TG: variants seen among roughly 807,000 people sequenced by gnomAD.
The protein encoded by TG is thyroid hormones.
TG carries 270 observed loss-of-function variants against 324.7 expected under a neutral mutation model. That is an observed-to-expected ratio of 0.83 (90% CI 0.75 to 0.92). The LOEUF (loss-of-function observed/expected upper bound fraction) is 0.92, where lower values mean the gene tolerates loss of function less well. Ranked by LOEUF, TG falls within the 40% of genes least tolerant of loss-of-function variation. The pLI, the probability that TG is intolerant of heterozygous loss-of-function variation, is 0.00. For synonymous variants in TG, 1,401 were observed against 1,327.0 expected (o/e 1.06, Z -1.21); for missense variants, 3,591 against 3,456.4 (o/e 1.04, Z -0.98).
chr8:132,900,030 C>T (rs866288768), intron 14 of TG, among the ~76,000 whole-genome samples: 39 of 152,174 alleles, frequency 2.6e-4, no homozygotes, highest in African/African-American at 8.2e-4. Flanking sequence ...GTGGTCCATG[C>T]CTCATGAGGC....
At chr8:132,913,346 C>A in intron 20 of TG, 81 bp downstream of exon 20, 2 of 1,389,418 alleles carry the variant, frequency 1.4e-6, no homozygotes, top group African/African-American at 1.4e-5. Flanking sequence ...TGGAGAGAGG[C>A]TACTCTGGAC....
At chr8:133,111,305 G>C (rs535881051) in intron 43 of TG, among the ~76,000 whole-genome samples, 1 of 152,302 alleles carries the variant, frequency 6.6e-6, no homozygotes, top group South Asian at 2.1e-4. Flanking sequence ...AAGCTAGGCA[G>C]GTTCTCTCAG....
At chr8:133,119,915 A>C (rs960577629) in intron 45 of TG, among the ~76,000 whole-genome samples, 1 of 152,202 alleles carries the variant, frequency 6.6e-6, no homozygotes, top group Non-Finnish European at 1.5e-5. Flanking sequence ...TAAGAAGAAA[A>C]ATAAGTGGCA....
At position 133,018,010 on chromosome 8, in the gene TG, T is replaced by TG; in HGVS notation, c.6782+15dup. 1.5e-5 allele frequency: 24 copies of TG among 1,612,942 alleles called. No individual in the cohort carries two copies. The highest frequency in any genetic ancestry group is 2.0e-5 in the Non-Finnish European group (23 of 1,179,078). ...CCAGCAAGCCAAGGTATGGGTTGAG[T>TG]GGAGCACATCTTGGTAAATGCTCAG... On this transcript the variant is annotated intron_variant, in intron 38 of 47. Coordinates refer to ENST00000220616, the MANE Select transcript of TG (RefSeq NM_003235.5).
chr8:132,882,031 T>TGA, intron 6 of TG, 62 bp downstream of exon 6: 1 of 1,214,064 alleles, frequency 8.2e-7, no homozygotes, highest in Non-Finnish European at 1.2e-6. Context: ...TCTGAAAACC[T>TGA]GGATAACATT....
intron 41 of TG, among the ~76,000 whole-genome samples, chr8:133,092,162 C>T (rs1264690632): frequency 6.6e-6 from 1 of 152,014 alleles, no homozygotes; most frequent in Admixed American, 6.6e-5. Context: ...AGAAGTGGTA[C>T]CAATAAACTC....
chr8:132,897,772 G>A lies in TG; in HGVS notation c.3125G>A (p.Cys1042Tyr), dbSNP rs1563925817. 6.2e-7 allele frequency: 1 copy of A among 1,614,218 alleles called. No homozygotes were observed. Residue 1042 changes from cysteine (C) to tyrosine (Y), a missense_variant, in exon 12 of 48, where the codon TGC becomes TAC. Cys to Tyr is a radical substitution (Grantham distance 194). Coordinates refer to ENST00000220616, the MANE Select transcript of TG (RefSeq NM_003235.5). ...DAFGSWEPVQCHAGTGHCWCV... is the reference protein window; with the variant it reads ...DAFGSWEPVQYHAGTGHCWCV... ...TTTGGAAGTTGGGAGCCTGTGCAGT[G>A]CCACGCTGGGACTGGTAAGGAGGGA... is the stretch of plus-strand genomic sequence containing the variant.
intron 35 of TG, chr8:132,988,980 T>G: frequency 2.4e-6 from 2 of 825,944 alleles, no homozygotes; most frequent in Non-Finnish European, 2.9e-6. Context: ...TTAATTGGAC[T>G]CACAGCTCCA....
At chr8:133,002,264 C>T (rs1347464497) in intron 35 of TG, 1 of 985,428 alleles carries the variant, frequency 1.0e-6, no homozygotes, top group African/African-American at 1.7e-5. Context: ...CTGTGGGGTG[C>T]ATGCAGCTCT....
At chr8:133,008,048 A>G (rs1416063539) in intron 35 of TG, among the ~76,000 whole-genome samples, 1 of 152,188 alleles carries the variant, frequency 6.6e-6, no homozygotes, top group Admixed American at 6.5e-5. Flanking sequence ...AACAATAACC[A>G]TTTTGAAAAT....
chr8:132,944,915 G>C (rs1384767847), intron 26 of TG, among the ~76,000 whole-genome samples: 1 of 152,236 alleles, frequency 6.6e-6, no homozygotes, highest in African/African-American at 2.4e-5. Flanking sequence ...TGTGGGAAGA[G>C]GGTGCAGGAT....
intron 41 of TG, among the ~76,000 whole-genome samples, chr8:133,041,417 T>C (rs1838216311): frequency 6.6e-6 from 1 of 152,220 alleles, no homozygotes; most frequent in Non-Finnish European, 1.5e-5. Flanking sequence ...AACTGTGAAC[T>C]CAAATGTCCA....
In TG at chr8:132,867,141, C is replaced by T. The variant is rs1027623083; in HGVS notation, c.67+74C>T. 24 of 1,280,586 alleles carry T rather than the reference C, an allele frequency of 1.9e-5. No individual in the cohort carries two copies. The Admixed American group carries it at 2.0e-4, about 11-fold the overall frequency. 79.3% of individuals were successfully genotyped at this position (1,280,586 alleles called of 1,614,324 possible). On this transcript the variant is annotated intron_variant, in intron 1 of 47. Coordinates refer to ENST00000220616, the MANE Select transcript of TG (RefSeq NM_003235.5). ...TCAGCCAGGCTCTGCCCTGGGCCTT[C>T]GAACAGGTGCGATCTAATTTAATCT...
In TG at chr8:132,867,045, C is replaced by A; in HGVS notation, c.45C>A (p.Cys15Ter). ...TCTTCACCCTGCTGGCCTCCATCTG[C>A]TGGGTGTCGGCCAATATCTTCGGTA... ...LEIFTLLASI[C>*]WVSANIFEYQ... The change falls in exon 1 of 48, where the codon TGC becomes TGA. Residue 15 changes from cysteine (C) to a stop codon, truncating the protein, a stop_gained. Transcript: ENST00000220616. LOFTEE classifies it high-confidence loss of function. The A allele has an allele frequency of 6.2e-7, 1 of 1,601,306 alleles. No homozygotes were observed. The highest frequency in any genetic ancestry group is 8.5e-7 in the Non-Finnish European group (1 of 1,172,960).
rs374093417 is a variant in TG at position 133,102,572 on chromosome 8, C to T, written c.7572+6199C>T. ...ACCTACCGGTGGAGCATCAGGGCTG[C>T]CTGAGATGTTCTCCATTCGCAGCAA... On this transcript the variant is annotated intron_variant, in intron 43 of 47. Transcript: ENST00000220616. 24 of 1,551,470 alleles carry T rather than the reference C, an allele frequency of 1.5e-5. No homozygotes were observed. In the African/African-American group the frequency reaches 2.7e-4, roughly 18 times the overall value.
intron 27 of TG, among the ~76,000 whole-genome samples, chr8:132,951,057 C>T (rs1298637736): frequency 6.6e-6 from 1 of 152,146 alleles, no homozygotes; most frequent in African/African-American, 2.4e-5. Flanking sequence ...CTCTCACTGC[C>T]TTTCTTAACC....
At chr8:132,970,201 ATTTTTAT>A (rs1829308076) in intron 32 of TG, among the ~76,000 whole-genome samples, 1 of 152,014 alleles carries the variant, frequency 6.6e-6, no homozygotes, top group Admixed American at 6.5e-5. Context: ...CATATAAATA[ATTTTTAT>A]TTTTTATTTT....
chr8:133,081,149 C>T (rs1039962354), intron 41 of TG, among the ~76,000 whole-genome samples: 3 of 152,346 alleles, frequency 2.0e-5, no homozygotes, highest in South Asian at 2.1e-4. Flanking sequence ...TAGCGCAAGG[C>T]GCATAGGACG....
chr8:133,011,205 G>A (rs894090161), intron 35 of TG, among the ~76,000 whole-genome samples: 50 of 152,166 alleles, frequency 3.3e-4, no homozygotes, highest in South Asian at 4.1e-4. Context: ...TAGGCTGGCC[G>A]TTCAGATTTG....
Sources: allele counts gnomAD v4.1 joint callset (sites outside exome capture counted in the v4.1 genomes callset), GRCh38; gene constraint gnomAD v4.1.1; transcripts MANE v1.5; gene names NCBI Gene and HGNC (gene_info 2026-07-23, HGNC 2026-07-21).